The following ANO2 variants were observed in gnomAD, a reference collection of about 807,000 sequenced individuals.
ANO2 encodes the protein anoctamin-2.
ANO2 carries 101 observed loss-of-function variants against 124.2 expected under a neutral mutation model. That is an observed-to-expected ratio of 0.81 (90% CI 0.69 to 0.96). The LOEUF is 0.96. Among genes scored for constraint, ANO2 ranks in the 40% least tolerant of loss-of-function variants. The pLI, the probability that ANO2 is intolerant of heterozygous loss-of-function variation, is 0.00. For synonymous variants in ANO2, 486 were observed against 482.5 expected (o/e 1.01, Z -0.09); for missense variants, 1,293 against 1,274.5 (o/e 1.01, Z -0.22).
chr12:5,832,254 GT>G (rs1240543062), intron 5 of ANO2, among the ~76,000 whole-genome samples, 197 bp downstream of exon 5: 1 of 152,184 alleles, frequency 6.6e-6, no homozygotes, highest in East Asian at 1.9e-4. Context: ...ACCCTTGGCT[GT>G]TTGGGACAAT....
intron 19 of ANO2, among the ~76,000 whole-genome samples, chr12:5,609,687 A>G (rs1264326029): frequency 1.4e-5 from 2 of 141,766 alleles, no homozygotes; most frequent in Non-Finnish European, 3.1e-5. Context: ...CTAGGACTCC[A>G]CAATCTTTCG....
At chr12:5,859,157 C>T (rs1477521570) in intron 3 of ANO2, among the ~76,000 whole-genome samples, 1 of 152,188 alleles carries the variant, frequency 6.6e-6, no homozygotes. Context: ...TCCCAAATCT[C>T]AACAGGCAAC....
At chr12:5,731,393 C>T (rs991832021) in intron 14 of ANO2, among the ~76,000 whole-genome samples, 7 of 151,070 alleles carry the variant, frequency 4.6e-5, no homozygotes, top group African/African-American at 1.5e-4. Flanking sequence ...ATTTTGGGCT[C>T]GAAAACACCA....
At position 5,862,925 on chromosome 12, in the gene ANO2, G is replaced by A. The variant is rs1781821196; in HGVS notation, c.535-8784C>T. Among the ~76,000 whole-genome samples, 1 of 151,910 alleles carries A rather than the reference G, an allele frequency of 6.6e-6. No homozygotes were observed. The highest frequency in any genetic ancestry group is 1.5e-5 in the Non-Finnish European group (1 of 67,974). ...CCAGCCTCAGCCTCCTGAGTAGCTG[G>A]GATTACAGGCACCCACCACCACACC... is the stretch of plus-strand genomic sequence containing the variant. On this transcript the variant is annotated intron_variant, in intron 3 of 24. Coordinates refer to ENST00000682330, the MANE Select transcript of ANO2 (RefSeq NM_001364791.2). The surrounding 1 kb of genome is among the most constrained non-coding windows in gnomAD (Gnocchi z 4.0).
chr12:5,620,092 C>T (rs569265767), intron 16 of ANO2, among the ~76,000 whole-genome samples: 4 of 152,202 alleles, frequency 2.6e-5, no homozygotes, highest in East Asian at 1.9e-4. Context: ...CACTCTAATA[C>T]CGTCTAGTAT....
At chr12:5,786,166 C>T (rs906605273) in intron 10 of ANO2, among the ~76,000 whole-genome samples, 11 of 152,102 alleles carry the variant, frequency 7.2e-5, no homozygotes, top group African/African-American at 1.4e-4. Context: ...TTCAACTTGA[C>T]CCCCCTGTGA....
intron 7 of ANO2, among the ~76,000 whole-genome samples, chr12:5,825,343 T>C (rs974477034): frequency 6.6e-6 from 1 of 152,236 alleles, no homozygotes; most frequent in Non-Finnish European, 1.5e-5. Context: ...GAAGGCCATG[T>C]ATGCTCTGAA....
At chr12:5,574,083 C>G (rs1435265306) in intron 23 of ANO2, among the ~76,000 whole-genome samples, 2 of 152,216 alleles carry the variant, frequency 1.3e-5, no homozygotes, top group African/African-American at 4.8e-5. Context: ...TGGGGATGGT[C>G]TAAGAAAGCC....
intron 20 of ANO2, among the ~76,000 whole-genome samples, chr12:5,594,819 T>C (rs911567040): frequency 1.3e-5 from 2 of 152,112 alleles, no homozygotes; most frequent in African/African-American, 4.8e-5. Flanking sequence ...GCCTGGGTGA[T>C]GTAGCAAGAC....
chr12:5,777,650 C>A (rs1324914377), intron 10 of ANO2, among the ~76,000 whole-genome samples: 2 of 152,094 alleles, frequency 1.3e-5, no homozygotes, highest in African/African-American at 4.8e-5. Flanking sequence ...GCCAGAAAAA[C>A]ACATACAGAT....
upstream of ANO2, chr12:5,945,333 G>T (rs1284969126): frequency 7.9e-6 from 8 of 1,007,358 alleles, no homozygotes; most frequent in East Asian, 5.5e-4. Context: ...CCCCTCGCCG[G>T]CTGCCGCCTC....
intron 20 of ANO2, among the ~76,000 whole-genome samples, chr12:5,581,451 G>C (rs956846360): frequency 6.6e-6 from 1 of 152,044 alleles, no homozygotes; most frequent in Non-Finnish European, 1.5e-5. Flanking sequence ...TTCCTTCCAG[G>C]GTTATAGGAA....
At chr12:5,695,728 CT>C (rs1949142848) in intron 14 of ANO2, among the ~76,000 whole-genome samples, 1 of 152,160 alleles carries the variant, frequency 6.6e-6, no homozygotes, top group South Asian at 2.1e-4. Context: ...GTAACCCCAG[CT>C]ACTTGGGAGG....
Position 5,914,408 on chromosome 12 carries a change from A to G in ANO2, c.534+6632T>C, listed in dbSNP as rs1423089693. ...TCAGGGGTCAGAGACATCTCATGGCATAGGAGGAGGGAGTCTCCTCTCTGC... is the reference window on the plus strand; with the variant it reads ...TCAGGGGTCAGAGACATCTCATGGCGTAGGAGGAGGGAGTCTCCTCTCTGC... On this transcript the variant is annotated intron_variant, in intron 3 of 24. Transcript: ENST00000682330. Among the ~76,000 whole-genome samples, 6 of 152,234 alleles carry G rather than the reference A, an allele frequency of 3.9e-5. No individual in the cohort carries two copies. In the East Asian group the frequency reaches 1.2e-3, roughly 29 times the overall value.
At chr12:5,753,975 A>C (rs1322543988) in intron 10 of ANO2, among the ~76,000 whole-genome samples, 4 of 152,156 alleles carry the variant, frequency 2.6e-5, no homozygotes, top group Non-Finnish European at 5.9e-5. Flanking sequence ...TAGAAAAAAA[A>C]CTTTTTTTAC....
rs990232338 is a variant in ANO2, at chr12:5,860,786, T to C, written c.535-6645A>G. 3.9e-5 allele frequency among the ~76,000 whole-genome samples: 6 copies of C among 152,280 alleles called. No individual in the cohort carries two copies. In the East Asian group the frequency reaches 1.2e-3, roughly 29 times the overall value. On this transcript the variant is annotated intron_variant, in intron 3 of 24. Transcript: ENST00000682330. Reference sequence around the variant, plus strand: ...ACCACATTTGCAGACCGCCGTTCCCTTTCCTAGAGGCCAAAGGAATTGACA... The same window carrying C: ...ACCACATTTGCAGACCGCCGTTCCCCTTCCTAGAGGCCAAAGGAATTGACA...
At chr12:5,781,769 C>T (rs1282925972) in intron 10 of ANO2, among the ~76,000 whole-genome samples, 1 of 152,138 alleles carries the variant, frequency 6.6e-6, no homozygotes, top group Non-Finnish European at 1.5e-5. Context: ...TGTTGGTTGG[C>T]CTTTTTGTTA....
At chr12:5,640,468 C>G (rs1291102802) in intron 15 of ANO2, among the ~76,000 whole-genome samples, 1 of 152,016 alleles carries the variant, frequency 6.6e-6, no homozygotes, top group Non-Finnish European at 1.5e-5. Context: ...GAAATTTTTG[C>G]AATCTGCCCA....
chr12:5,895,280 G>A (rs1364614281), intron 3 of ANO2, among the ~76,000 whole-genome samples: 1 of 152,082 alleles, frequency 6.6e-6, no homozygotes, highest in Non-Finnish European at 1.5e-5. Context: ...CTCATGATTT[G>A]GCTCTCTGTT....
Sources: allele counts gnomAD v4.1 joint callset (sites outside exome capture counted in the v4.1 genomes callset), GRCh38; gene constraint gnomAD v4.1.1; non-coding constraint Gnocchi (gnomAD v3.1); transcripts MANE v1.5; gene names NCBI Gene and HGNC (gene_info 2026-07-23, HGNC 2026-07-21).